Variants in CCDC171 observed in about 807,000 individuals in gnomAD.
CCDC171 encodes coiled-coil domain containing 171.
Under a neutral mutation model 168.2 loss-of-function variants are expected in CCDC171, and 177 were observed. That is an observed-to-expected ratio of 1.05 (90% CI 0.93 to 1.19). The LOEUF (loss-of-function observed/expected upper bound fraction) is 1.19, where lower values mean the gene tolerates loss of function less well. Ranked by LOEUF, CCDC171 falls within the 50% of genes most tolerant of loss-of-function variation. The pLI, the probability that CCDC171 is intolerant of heterozygous loss-of-function variation, is 0.00. For missense variants in CCDC171, 1,991 were observed against 1,539.0 expected, an observed-to-expected ratio of 1.29 and a Z score of -4.91; for synonymous variants, 687 against 540.8, an observed-to-expected ratio of 1.27 and a Z score of -3.75.
chr9:15,562,403 C>T (rs554242047), intron 1 of CCDC171, among the ~76,000 whole-genome samples: 6 of 152,200 alleles, frequency 3.9e-5, no homozygotes, highest in African/African-American at 1.4e-4. Flanking sequence ...TTGCTGTATT[C>T]TCCTGGTTAT....
chr9:15,657,563 G>A (rs2048030946), intron 8 of CCDC171, among the ~76,000 whole-genome samples: 1 of 152,172 alleles, frequency 6.6e-6, no homozygotes, highest in South Asian at 2.1e-4. Context: ...TTTTACGGCT[G>A]TGGGATGGAT....
At chr9:16,072,927 C>G in the CCDC171 span, among the ~76,000 whole-genome samples, 10 of 152,146 alleles carry the variant, frequency 6.6e-5, no homozygotes, top group African/African-American at 2.4e-4. Context: ...GTTATTCCTG[C>G]TATTTCTTGA....
intron 3 of CCDC171, among the ~76,000 whole-genome samples, chr9:16,001,217 C>T (rs930889562): frequency 3.9e-5 from 6 of 152,114 alleles, no homozygotes; most frequent in African/African-American, 1.4e-4. Context: ...TGCCCAGTTT[C>T]TCAAAGTGCT....
intron 7 of CCDC171, among the ~76,000 whole-genome samples, chr9:15,645,976 A>C (rs1402060974): frequency 6.6e-6 from 1 of 152,194 alleles, no homozygotes. Context: ...TGAAGATAAA[A>C]ATGTTAAGGG....
rs528197666 is a variant in CCDC171, at chr9:15,585,739, A to T, written c.353-5627A>T. Among the ~76,000 whole-genome samples, 92 of 152,254 alleles carry T rather than the reference A, an allele frequency of 6.0e-4. No homozygotes were observed. The South Asian group carries it at 0.018, about 30-fold the overall frequency. On this transcript the variant is annotated intron_variant, in intron 4 of 25. Coordinates refer to ENST00000380701, the MANE Select transcript of CCDC171 (RefSeq NM_173550.4). ...ACACCTGTAATCCCAGCACTTTGGG[A>T]GGTGGAGGCGGGTGGATCGCTTGAA...
intron 3 of CCDC171, among the ~76,000 whole-genome samples, chr9:15,996,257 AC>A (rs1380774594): frequency 6.6e-6 from 1 of 152,122 alleles, no homozygotes; most frequent in Non-Finnish European, 1.5e-5. Flanking sequence ...GGAGTAATGC[AC>A]ATAGGTCTTG....
At chr9:15,628,798 C>T (rs1438036093) in intron 7 of CCDC171, among the ~76,000 whole-genome samples, 2 of 152,194 alleles carry the variant, frequency 1.3e-5, no homozygotes, top group African/African-American at 4.8e-5. Flanking sequence ...GGCAGACTGA[C>T]ACCTCACACG....
chr9:16,081,294 A>G, the CCDC171 span, among the ~76,000 whole-genome samples: 2 of 152,094 alleles, frequency 1.3e-5, no homozygotes, highest in Admixed American at 6.6e-5. Flanking sequence ...GGTTCATCAA[A>G]TCTCTCAGAG....
intron 3 of CCDC171, among the ~76,000 whole-genome samples, chr9:15,982,384 G>T (rs540342466): frequency 1.3e-5 from 2 of 152,086 alleles, no homozygotes; most frequent in Non-Finnish European, 2.9e-5. Context: ...GGGAGATAAT[G>T]ATACCTTCTC....
At chr9:15,635,679 G>A (rs1285797463) in intron 7 of CCDC171, among the ~76,000 whole-genome samples, 1 of 152,156 alleles carries the variant, frequency 6.6e-6, no homozygotes, top group Non-Finnish European at 1.5e-5. Context: ...ATCCAATCAA[G>A]TTGACACTCG....
intron 10 of CCDC171, among the ~76,000 whole-genome samples, chr9:15,691,214 G>A (rs1472784426): frequency 1.3e-5 from 2 of 151,936 alleles, no homozygotes; most frequent in African/African-American, 4.8e-5. Context: ...AACAGTAGGG[G>A]GGACTGGTTA....
chr9:15,958,701 G>A (rs960595174), intron 25 of CCDC171, among the ~76,000 whole-genome samples: 1 of 152,114 alleles, frequency 6.6e-6, no homozygotes, highest in African/African-American at 2.4e-5. Context: ...TCCAAGACAG[G>A]AGAAAGCAGG....
intron 11 of CCDC171, among the ~76,000 whole-genome samples, chr9:15,703,339 A>G (rs1392344029): frequency 6.6e-6 from 1 of 152,218 alleles, no homozygotes; most frequent in Admixed American, 6.5e-5. Flanking sequence ...TCACTGGAGT[A>G]GCACGAATGT....
At chr9:15,874,739 C>A in intron 24 of CCDC171, 76 bp downstream of exon 24, 1 of 1,330,110 alleles carries the variant, frequency 7.5e-7, no homozygotes, top group Non-Finnish European at 1.0e-6. Context: ...AGAATGAAAG[C>A]CTCAAAGTAT....
intron 1 of CCDC171, among the ~76,000 whole-genome samples, chr9:15,563,209 G>A (rs987283944): frequency 2.6e-5 from 4 of 151,332 alleles, no homozygotes; most frequent in Admixed American, 2.6e-4. Context: ...TGCAATCTTG[G>A]CTCACTGCAA....
chr9:16,091,072 C>T, the CCDC171 span, among the ~76,000 whole-genome samples: 1 of 152,188 alleles, frequency 6.6e-6, no homozygotes, highest in Admixed American at 6.5e-5. Flanking sequence ...GATGGTCACC[C>T]CCCACCCAGG....
chr9:15,659,542 A>C (rs756274595), intron 8 of CCDC171, among the ~76,000 whole-genome samples: 4 of 152,162 alleles, frequency 2.6e-5, no homozygotes, highest in African/African-American at 4.8e-5. Flanking sequence ...TAAACTGTTA[A>C]GATGTTCTTA....
rs537192220 is a variant in CCDC171 at position 15,921,368 on chromosome 9, CTG to C, written c.3753+948_3753+949del. Among the ~76,000 whole-genome samples the C allele has an allele frequency of 1.8e-3, 276 of 151,606 alleles. 2 individuals are homozygous for C. The highest frequency in any genetic ancestry group is 6.4e-3 in the African/African-American group (264 of 41,474). On this transcript the variant is annotated intron_variant, in intron 25 of 25. Coordinates refer to ENST00000380701, the MANE Select transcript of CCDC171 (RefSeq NM_173550.4). ...TCAACTCTCCCTGCCCCCTGAAAAA[CTG>C]TCTCTCTTTTGCCCCATATTTCCTG... is the stretch of plus-strand genomic sequence containing the variant.
rs116132283 is a variant in CCDC171 at position 15,784,315 on chromosome 9, T to C, written c.3082-194T>C. Among the ~76,000 whole-genome samples, 1,062 of 152,300 alleles carry C rather than the reference T, an allele frequency of 7.0e-3. 8 individuals are homozygous for C. Among genetic ancestry groups the C allele is most frequent in the African/African-American group, 0.024 (1,008 of 41,566 alleles). On this transcript the variant is annotated intron_variant, in intron 20 of 25. Transcript: ENST00000380701. ...TATTTGACTGAAAATGATAACTAAG[T>C]GTGGCTGTTTTGCTTTAAAAATCAC...
Sources: allele counts gnomAD v4.1 joint callset (sites outside exome capture counted in the v4.1 genomes callset), GRCh38; gene constraint gnomAD v4.1.1; transcripts MANE v1.5; gene names NCBI Gene and HGNC (gene_info 2026-07-23, HGNC 2026-07-21).